Variants in CHD6 observed in about 807,000 individuals in gnomAD.
CHD6 encodes chromodomain helicase DNA binding protein 6.
Under a neutral mutation model 276.9 loss-of-function variants are expected in CHD6, and 50 were observed. The observed-to-expected ratio is 0.18, with a 90% CI of 0.14 to 0.23. The LOEUF is 0.23. Among genes scored for constraint, CHD6 ranks in the 10% least tolerant of loss-of-function variants. The pLI, the probability that CHD6 is intolerant of heterozygous loss-of-function variation, is 1.00. For missense variants in CHD6, 2,564 were observed against 3,365.8 expected, an observed-to-expected ratio of 0.76 and a Z score of 5.89; for synonymous variants, 1,173 against 1,229.3, an observed-to-expected ratio of 0.95 and a Z score of 0.96.
chr20:41,535,213 G>T (rs1381002009), intron 2 of CHD6, among the ~76,000 whole-genome samples: 1 of 152,162 alleles, frequency 6.6e-6, no homozygotes, highest in African/African-American at 2.4e-5. Flanking sequence ...GAAGCAGGTG[G>T]CAGTAAGGGA....
intron 1 of CHD6, among the ~76,000 whole-genome samples, chr20:41,580,911 G>A (rs1467904981): frequency 6.6e-6 from 1 of 152,152 alleles, no homozygotes; most frequent in Non-Finnish European, 1.5e-5. Context: ...AGGTAAGACA[G>A]AAGAGACAAC....
chr20:41,503,613 A>G (rs923631406), intron 5 of CHD6, among the ~76,000 whole-genome samples: 4 of 152,110 alleles, frequency 2.6e-5, no homozygotes, highest in Non-Finnish European at 5.9e-5. Context: ...ATAGTTTAAG[A>G]TATGCCTAGG....
chr20:41,535,740 C>T (rs568302134), intron 2 of CHD6, among the ~76,000 whole-genome samples: 7 of 152,100 alleles, frequency 4.6e-5, no homozygotes, highest in Non-Finnish European at 8.8e-5. Flanking sequence ...GTGGTGCACA[C>T]CTGTAGTCCT....
rs780885960 is a variant in CHD6 at position 41,450,999 on chromosome 20, C to T, written c.3630G>A (p.Glu1210=). ...TATAGCCATCATCATGCAAGACCAC[C>T]TCGGGGTTGCAGGTGGCTAGCCAAT... ...DADWLATCNP[E]VVLHDDGYKK... The change falls in exon 23 of 37, where the codon GAG becomes GAA. Residue 1210 remains glutamate, a synonymous_variant. Transcript: ENST00000373233. 2 of 1,613,852 alleles carry T rather than the reference C, an allele frequency of 1.2e-6. No individual in the cohort carries two copies. Among genetic ancestry groups the T allele is most frequent in the Admixed American group, 1.7e-5 (1 of 59,996 alleles).
intron 1 of CHD6, among the ~76,000 whole-genome samples, chr20:41,560,583 G>A (rs1196809335): frequency 6.6e-6 from 1 of 152,200 alleles, no homozygotes; most frequent in African/African-American, 2.4e-5. Flanking sequence ...ACCCTCCAGG[G>A]AGGGACCCTG....
At chr20:41,584,867 CA>C (rs1440328782) in intron 1 of CHD6, among the ~76,000 whole-genome samples, 2 of 151,964 alleles carry the variant, frequency 1.3e-5, no homozygotes, top group Non-Finnish European at 2.9e-5. Flanking sequence ...GACCTCAAAT[CA>C]ATTAAACTTC....
intron 1 of CHD6, among the ~76,000 whole-genome samples, chr20:41,612,275 TA>T (rs2045894635): frequency 6.6e-6 from 1 of 152,222 alleles, no homozygotes; most frequent in Non-Finnish European, 1.5e-5. Context: ...CACAAGAGCT[TA>T]TTTTTTTACA....
At chr20:41,477,376 T>G (rs924261959) in intron 16 of CHD6, among the ~76,000 whole-genome samples, 1 of 152,168 alleles carries the variant, frequency 6.6e-6, no homozygotes, top group African/African-American at 2.4e-5. Flanking sequence ...TCCCTATATT[T>G]CATAGAATTT....
At chr20:41,586,108 T>C (rs946859092) in intron 1 of CHD6, among the ~76,000 whole-genome samples, 31 of 152,174 alleles carry the variant, frequency 2.0e-4, no homozygotes, top group African/African-American at 6.3e-4. Context: ...ACCCAGGCAT[T>C]TGAGCAGGTA....
At chr20:41,422,165 G>T in intron 30 of CHD6, 86 bp from the exon 31 acceptor site, 1 of 1,389,994 alleles carries the variant, frequency 7.2e-7, no homozygotes. Context: ...TTTGGTCTTG[G>T]AGTTTAGCTC....
Position 41,404,575 on chromosome 20 carries a change from T to G in CHD6, c.*18A>C, listed in dbSNP as rs766392150. On this transcript the variant is annotated 3_prime_UTR_variant, in exon 37 of 37. Coordinates refer to ENST00000373233, the MANE Select transcript of CHD6 (RefSeq NM_032221.5). ...AAGAAACTTACAAGTCACAATAATT[T>G]CTTAAATGAAAAAAGTTCTAATTGG... 1 of 1,471,182 alleles carries G rather than the reference T, an allele frequency of 6.8e-7. No individual in the cohort carries two copies. The highest frequency in any genetic ancestry group is 1.4e-5 in the African/African-American group (1 of 71,366). The allele number at this position is 1,471,182 out of a possible 1,614,324, so 91.1% of individuals were successfully genotyped here. A position where few individuals can be genotyped will look rare whatever the true frequency, so the allele number is the denominator to read the frequency against.
chr20:41,493,777 C>T (rs2145875861), intron 9 of CHD6, 81 bp downstream of exon 9: 4 of 1,560,390 alleles, frequency 2.6e-6, no homozygotes, highest in South Asian at 1.1e-5. Flanking sequence ...ACAGGAATAC[C>T]ACTAAGACAA....
intron 25 of CHD6, among the ~76,000 whole-genome samples, chr20:41,440,585 T>C (rs2145600221): frequency 6.6e-6 from 1 of 152,340 alleles, no homozygotes; most frequent in South Asian, 2.1e-4. Flanking sequence ...GTTTATTGCA[T>C]TAAGACAGAC....
chr20:41,491,922 G>A (rs1452381659), intron 10 of CHD6, 103 bp from the exon 11 acceptor site: 7 of 1,291,236 alleles, frequency 5.4e-6, no homozygotes, highest in Non-Finnish European at 7.7e-6. Context: ...CCCAAGGCTG[G>A]TTTCAAACTA....
chr20:41,608,310 G>A (rs932811435), intron 1 of CHD6, among the ~76,000 whole-genome samples: 1 of 152,130 alleles, frequency 6.6e-6, no homozygotes, highest in Non-Finnish European at 1.5e-5. Flanking sequence ...GCATTTTACC[G>A]CGATATGAGA....
intron 3 of CHD6, among the ~76,000 whole-genome samples, chr20:41,523,232 C>T (rs1264411270): frequency 6.6e-6 from 1 of 151,916 alleles, no homozygotes; most frequent in Non-Finnish European, 1.5e-5. Flanking sequence ...TACTTGTAAC[C>T]AAGAGAGTTC....
intron 1 of CHD6, among the ~76,000 whole-genome samples, chr20:41,559,772 A>G (rs2045281698): frequency 6.6e-6 from 1 of 152,102 alleles, no homozygotes; most frequent in South Asian, 2.1e-4. Context: ...CTATGTGGCT[A>G]TATCCAACCA....
Position 41,447,896 on chromosome 20 carries a change from T to C in CHD6, c.3759A>G (p.Glu1253=). ...ATTTGCTTTACCTGGCAGGAGATCC[T>C]TCAAATGCTTTCTCAGCTGCTTCTC... ...ILGEAAEKAF[E]GSPARELDVP... is the part of the protein sequence containing the mutation. The change falls in exon 24 of 37, where the codon GAA becomes GAG. Residue 1253 remains glutamate (E), a synonymous_variant. Transcript: ENST00000373233. The C allele has an allele frequency of 6.2e-7, 1 of 1,610,358 alleles. No individual in the cohort carries two copies. Among genetic ancestry groups the C allele is most frequent in the Non-Finnish European group, 8.5e-7 (1 of 1,177,796 alleles).
intron 1 of CHD6, among the ~76,000 whole-genome samples, chr20:41,600,096 T>C (rs2045758728): frequency 6.6e-6 from 1 of 152,246 alleles, no homozygotes; most frequent in South Asian, 2.1e-4. Flanking sequence ...CACCGAGCAC[T>C]TGTCTGTAAC....
Sources: gnomAD v4.1 joint callset for allele counts (sites outside exome capture counted in the v4.1 genomes callset) on GRCh38, gnomAD v4.1.1 for gene constraint, MANE v1.5 for transcripts, NCBI Gene and HGNC (gene_info 2026-07-23, HGNC 2026-07-21) for gene names.